The following EXOC4 variants were observed in gnomAD, a reference collection of about 807,000 sequenced individuals.
EXOC4 encodes exocyst complex component 4.
EXOC4 carries 71 observed loss-of-function variants against 107.2 expected under a neutral mutation model. That is an observed-to-expected ratio of 0.66 (90% CI 0.55 to 0.81). EXOC4 has a LOEUF of 0.81. Among genes scored for constraint, EXOC4 ranks in the 30% least tolerant of loss-of-function variants. The pLI is 0.00. For synonymous variants in EXOC4, 456 were observed against 441.2 expected (o/e 1.03, Z -0.42); for missense variants, 1,108 against 1,189.6 (o/e 0.93, Z 1.01).
intron 10 of EXOC4, among the ~76,000 whole-genome samples, chr7:133,706,609 A>G (rs545749558): frequency 6.6e-6 from 1 of 152,248 alleles, no homozygotes; most frequent in African/African-American, 2.4e-5. Flanking sequence ...CAGTACATCC[A>G]AAATACTATC....
chr7:133,993,575 G>A (rs1419361551), intron 14 of EXOC4, among the ~76,000 whole-genome samples: 1 of 152,126 alleles, frequency 6.6e-6, no homozygotes, highest in Non-Finnish European at 1.5e-5. Context: ...GATTTAACTT[G>A]GCAGCAAGTT....
At chr7:133,835,768 A>G (rs1046876071) in intron 11 of EXOC4, among the ~76,000 whole-genome samples, 3 of 152,188 alleles carry the variant, frequency 2.0e-5, no homozygotes, top group Admixed American at 2.0e-4. Flanking sequence ...ATGTGATTAT[A>G]TATTTATATT....
chr7:133,569,051 A>C (rs1800964938), intron 9 of EXOC4, among the ~76,000 whole-genome samples: 1 of 152,188 alleles, frequency 6.6e-6, no homozygotes. Context: ...TGAGAGAGTC[A>C]GTTTTCAAGA....
intron 17 of EXOC4, among the ~76,000 whole-genome samples, chr7:134,042,477 GAA>G (rs35579992): frequency 2.4e-4 from 35 of 145,214 alleles, no homozygotes; most frequent in South Asian, 6.6e-4. Flanking sequence ...AGCATGCTAG[GAA>G]AAAAAAAAAA....
intron 5 of EXOC4, among the ~76,000 whole-genome samples, chr7:133,338,108 T>C (rs1563024847): frequency 6.6e-6 from 1 of 151,894 alleles, no homozygotes; most frequent in Non-Finnish European, 1.5e-5. Flanking sequence ...CTTTTATCAT[T>C]ATTTCTGTCT....
intron 3 of EXOC4, among the ~76,000 whole-genome samples, chr7:133,290,139 G>C (rs1467775238): frequency 2.6e-5 from 4 of 152,194 alleles, no homozygotes; most frequent in South Asian, 2.1e-4. Flanking sequence ...TATTCTATCA[G>C]ATATTAAAAC....
intron 4 of EXOC4, among the ~76,000 whole-genome samples, chr7:133,313,760 G>A (rs1794928568): frequency 1.3e-5 from 2 of 152,156 alleles, no homozygotes; most frequent in East Asian, 3.8e-4. Context: ...TAATGGCCAG[G>A]AAGTCCTTGA....
chr7:133,275,235 A>T, intron 2 of EXOC4, 64 bp downstream of exon 2: 1 of 1,339,544 alleles, frequency 7.5e-7, no homozygotes, highest in Non-Finnish European at 1.0e-6. Flanking sequence ...TGCAGCTTGG[A>T]GAGGAGCCAT....
intron 11 of EXOC4, among the ~76,000 whole-genome samples, chr7:133,876,222 GT>G (rs1363917498): frequency 3.3e-4 from 9 of 27,098 alleles, no homozygotes; most frequent in African/African-American, 1.3e-3. Flanking sequence ...GAATGAAGAG[GT>G]GTGTGTGTGT....
intron 5 of EXOC4, among the ~76,000 whole-genome samples, chr7:133,345,164 C>T (rs1210692481): frequency 2.6e-5 from 4 of 152,142 alleles, no homozygotes; most frequent in African/African-American, 9.7e-5. Context: ...TTTGATGTTA[C>T]ATTTTGTCAC....
At chr7:133,882,105 T>G (rs1399108863) in intron 11 of EXOC4, among the ~76,000 whole-genome samples, 1 of 152,234 alleles carries the variant, frequency 6.6e-6, no homozygotes, top group Non-Finnish European at 1.5e-5. Context: ...AAACAGTATA[T>G]ATCTTTCTGT....
At chr7:133,882,701 T>C (rs1418762626) in intron 11 of EXOC4, among the ~76,000 whole-genome samples, 1 of 152,080 alleles carries the variant, frequency 6.6e-6, no homozygotes, top group Non-Finnish European at 1.5e-5. Context: ...AGGAACACCA[T>C]TGCAGGAAGG....
chr7:133,790,213 T>C (rs924619651), intron 10 of EXOC4, among the ~76,000 whole-genome samples: 4 of 152,210 alleles, frequency 2.6e-5, no homozygotes, highest in Non-Finnish European at 5.9e-5. Flanking sequence ...AACAAGCTTT[T>C]TTAGGAGCGA....
intron 14 of EXOC4, among the ~76,000 whole-genome samples, chr7:133,939,409 A>G (rs1205897947): frequency 6.6e-6 from 1 of 152,176 alleles, no homozygotes; most frequent in African/African-American, 2.4e-5. Flanking sequence ...CCAAGGGCCA[A>G]TGCAGGGTGG....
intron 11 of EXOC4, among the ~76,000 whole-genome samples, chr7:133,832,062 A>G (rs1399146831): frequency 1.3e-5 from 2 of 152,194 alleles, no homozygotes; most frequent in African/African-American, 4.8e-5. Context: ...CAATTACAGT[A>G]TATACGTATA....
At chr7:133,807,006 G>T (rs887109404) in intron 10 of EXOC4, among the ~76,000 whole-genome samples, 1 of 152,040 alleles carries the variant, frequency 6.6e-6, no homozygotes, top group Non-Finnish European at 1.5e-5. Context: ...CCCTCATATC[G>T]CAGGGCTCTG....
chr7:133,815,144 C>T (rs987056451), intron 10 of EXOC4, among the ~76,000 whole-genome samples: 19 of 151,754 alleles, frequency 1.3e-4, no homozygotes, highest in African/African-American at 1.9e-4. Flanking sequence ...TTTGGGAGGC[C>T]GAAGCGGGCA....
At chr7:133,899,322 T>A (rs1799396840) in intron 12 of EXOC4, among the ~76,000 whole-genome samples, 1 of 152,240 alleles carries the variant, frequency 6.6e-6, no homozygotes, top group Admixed American at 6.5e-5. Flanking sequence ...TTTAAGTTCT[T>A]GCAGCTTGGC....
intron 14 of EXOC4, among the ~76,000 whole-genome samples, chr7:133,972,779 T>A (rs1277724588): frequency 6.6e-6 from 1 of 152,166 alleles, no homozygotes; most frequent in Non-Finnish European, 1.5e-5. Context: ...GTGCTGAAAG[T>A]GGTCTCACTT....
Sources: allele counts gnomAD v4.1 joint callset (sites outside exome capture counted in the v4.1 genomes callset), GRCh38; gene constraint gnomAD v4.1.1; transcripts MANE v1.5; gene names NCBI Gene and HGNC (gene_info 2026-07-23, HGNC 2026-07-21).